Variants in DENND1A observed in about 807,000 individuals in gnomAD.
DENND1A encodes the protein DENN domain containing 1A.
Under a neutral mutation model 113.7 loss-of-function variants are expected in DENND1A, and 51 were observed. That is an observed-to-expected ratio of 0.45 (90% confidence interval 0.36 to 0.57). The LOEUF is 0.57. DENND1A is among the 20% of genes least tolerant of loss of function. The probability of loss-of-function intolerance (pLI) is 0.00; values close to 1 mark genes in which losing one functional copy is unlikely to be tolerated. For missense variants in DENND1A, 1,258 were observed against 1,395.9 expected, an observed-to-expected ratio of 0.90 and a Z score of 1.57; for synonymous variants, 565 against 570.8, an observed-to-expected ratio of 0.99 and a Z score of 0.14.
At chr9:123,555,128 C>T (rs2057346437) in intron 13 of DENND1A, among the ~76,000 whole-genome samples, 1 of 152,140 alleles carries the variant, frequency 6.6e-6, no homozygotes, top group South Asian at 2.1e-4. Context: ...TGTTCATCTC[C>T]CATATTTGAT....
chr9:123,671,237 A>C, intron 7 of DENND1A, 54 bp downstream of exon 7: 1 of 1,600,090 alleles, frequency 6.2e-7, no homozygotes, highest in Non-Finnish European at 8.6e-7. Context: ...GCTCCCTCTT[A>C]CTGTCAATAA....
intron 2 of DENND1A, among the ~76,000 whole-genome samples, chr9:123,844,471 C>A (rs530646812): frequency 6.6e-6 from 1 of 151,938 alleles, no homozygotes; most frequent in Non-Finnish European, 1.5e-5. Context: ...TTTACAATAA[C>A]ATCAAAAAGA....
intron 1 of DENND1A, among the ~76,000 whole-genome samples, chr9:123,902,633 G>A (rs958576194): frequency 2.0e-5 from 3 of 151,990 alleles, no homozygotes; most frequent in Non-Finnish European, 4.4e-5. Flanking sequence ...TTGCAAATGA[G>A]AGAAAAGCAT....
Position 123,674,340 on chromosome 9 carries a change from TCTCA to T in DENND1A, c.372+2376_372+2379del, listed in dbSNP as rs1158827590. Among the ~76,000 whole-genome samples the T allele has an allele frequency of 5.1e-3, 651 of 127,734 alleles. 2 individuals are homozygous for T. Among genetic ancestry groups the T allele is most frequent in the Middle Eastern group, 0.022 (6 of 268 alleles). 83.8% of individuals were successfully genotyped at this position (127,734 alleles called of 152,430 possible). A position where few individuals can be genotyped will look rare whatever the true frequency, so the allele number is the denominator to read the frequency against. ...CTCTCTGTCTCTGTCTCTGTCTCTC[TCTCA>T]CACACACACACACACACACACACAC... On this transcript the variant is annotated intron_variant, in intron 6 of 23. Transcript: ENST00000394215.
intron 2 of DENND1A, among the ~76,000 whole-genome samples, chr9:123,793,735 A>G (rs1478195157): frequency 2.0e-5 from 3 of 152,206 alleles, no homozygotes; most frequent in Non-Finnish European, 4.4e-5. Flanking sequence ...CTAAGGGCCT[A>G]TTCACAAACT....
At chr9:123,464,249 G>A (rs925625007) in intron 13 of DENND1A, among the ~76,000 whole-genome samples, 3 of 152,146 alleles carry the variant, frequency 2.0e-5, no homozygotes, top group Non-Finnish European at 4.4e-5. Context: ...GATGAGAAGT[G>A]GATGAAAATA....
intron 11 of DENND1A, among the ~76,000 whole-genome samples, chr9:123,596,699 T>C (rs1035755463): frequency 1.3e-5 from 2 of 152,182 alleles, no homozygotes; most frequent in Non-Finnish European, 2.9e-5. Flanking sequence ...CCTCCATGTA[T>C]AGACTTACCA....
chr9:123,630,932 A>G (rs1018690253), intron 9 of DENND1A, among the ~76,000 whole-genome samples: 1 of 152,224 alleles, frequency 6.6e-6, no homozygotes, highest in Non-Finnish European at 1.5e-5. Context: ...ACAAATCCAG[A>G]ATATTCTTTA....
At chr9:123,459,433 AAAAAT>A (rs2048371684) in intron 13 of DENND1A, among the ~76,000 whole-genome samples, 1 of 152,258 alleles carries the variant, frequency 6.6e-6, no homozygotes, top group Non-Finnish European at 1.5e-5. Context: ...GGGGATGATC[AAAAAT>A]AAAATATACT....
chr9:123,764,700 C>G lies in DENND1A; in HGVS notation c.182+4814G>C, dbSNP rs145370213. ...CTGACAAAGTCAACATGAAGCATAA[C>G]TGCAGAATTTAAAAGTATCAAAAGC... On this transcript the variant is annotated intron_variant, in intron 4 of 23. Transcript: ENST00000394215. This position sits in a 1 kb window ranked among gnomAD's most constrained non-coding sequence, Gnocchi z 4.1. Among the ~76,000 whole-genome samples, 44 of 152,324 alleles carry G rather than the reference C, an allele frequency of 2.9e-4. No individual in the cohort carries two copies. In the East Asian group the frequency reaches 6.4e-3, roughly 22 times the overall value.
chr9:123,815,934 G>A (rs1261484647), intron 2 of DENND1A, among the ~76,000 whole-genome samples: 5 of 129,234 alleles, frequency 3.9e-5, no homozygotes, highest in African/African-American at 1.2e-4. Context: ...AGAGTAAGCA[G>A]AAAAAGAAAC....
intron 11 of DENND1A, among the ~76,000 whole-genome samples, chr9:123,608,455 A>C (rs1443327417): frequency 6.6e-6 from 1 of 152,100 alleles, no homozygotes; most frequent in Non-Finnish European, 1.5e-5. Context: ...TCTCCTGTGC[A>C]ACACAGGCAA....
At chr9:123,523,397 C>T (rs1044518861) in intron 13 of DENND1A, among the ~76,000 whole-genome samples, 1 of 152,168 alleles carries the variant, frequency 6.6e-6, no homozygotes, top group Non-Finnish European at 1.5e-5. Context: ...AGAACCAAAG[C>T]TCAAATCGTT....
chr9:123,585,915 G>A (rs2059141514), intron 11 of DENND1A, among the ~76,000 whole-genome samples: 1 of 152,172 alleles, frequency 6.6e-6, no homozygotes, highest in South Asian at 2.1e-4. Context: ...TGGCCACACA[G>A]TAGGATGTAA....
intron 1 of DENND1A, among the ~76,000 whole-genome samples, chr9:123,914,085 C>T (rs1298457378): frequency 6.6e-6 from 1 of 151,698 alleles, no homozygotes; most frequent in Non-Finnish European, 1.5e-5. Flanking sequence ...GCGGGTAGAA[C>T]CTTAGTTCTT....
intron 1 of DENND1A, among the ~76,000 whole-genome samples, chr9:123,898,925 A>G (rs1233268088): frequency 6.6e-6 from 1 of 152,210 alleles, no homozygotes; most frequent in African/African-American, 2.4e-5. Context: ...TACTGAGACT[A>G]TATCTCCTCA....
chr9:123,414,095 A>C (rs1418776495), intron 19 of DENND1A: 1 of 993,878 alleles, frequency 1.0e-6, no homozygotes, highest in African/African-American at 1.7e-5. Flanking sequence ...AGCGCTCGGG[A>C]GGCAGCCTCT....
At chr9:123,751,427 G>A (rs1400345846) in intron 5 of DENND1A, 1 of 152,188 alleles carries the variant, frequency 6.6e-6, no homozygotes, top group African/African-American at 2.4e-5. Context: ...TGCAGTTGAG[G>A]TTTGAAAAAT....
At chr9:123,896,034 G>A (rs10986127) in intron 1 of DENND1A, among the ~76,000 whole-genome samples, 15,392 of 152,194 alleles carry the variant, frequency 0.1, 1,037 homozygotes, top group Admixed American at 0.16. Flanking sequence ...AATCTCAACA[G>A]GCCAGGCATG....
Sources: allele counts gnomAD v4.1 joint callset (sites outside exome capture counted in the v4.1 genomes callset), GRCh38; gene constraint gnomAD v4.1.1; non-coding constraint Gnocchi (gnomAD v3.1); transcripts MANE v1.5; gene names NCBI Gene and HGNC (gene_info 2026-07-23, HGNC 2026-07-21).